Variants in KLHL1 observed in about 807,000 individuals in gnomAD.
KLHL1 encodes the protein kelch like family member 1.
In KLHL1, 47 loss-of-function variants were observed where a neutral mutation model predicts 77.7. That is an observed-to-expected ratio of 0.60 (90% CI 0.48 to 0.77). KLHL1 has a LOEUF of 0.77. Among genes scored for constraint, KLHL1 ranks in the 30% least tolerant of loss-of-function variants. The pLI, the probability that KLHL1 is intolerant of heterozygous loss-of-function variation, is 0.00. For synonymous variants in KLHL1, 360 were observed against 325.2 expected (o/e 1.11, Z -1.15); for missense variants, 925 against 910.8 (o/e 1.02, Z -0.20).
At chr13:69,726,863 T>C (rs1017262887) in intron 8 of KLHL1, among the ~76,000 whole-genome samples, 1 of 152,196 alleles carries the variant, frequency 6.6e-6, no homozygotes, top group Non-Finnish European at 1.5e-5. Context: ...GGGCAGAATT[T>C]ATTTATCTTC....
At chr13:69,994,200 T>A (rs1189956641) in intron 1 of KLHL1, among the ~76,000 whole-genome samples, 1 of 152,080 alleles carries the variant, frequency 6.6e-6, no homozygotes, top group Non-Finnish European at 1.5e-5. Context: ...AACAGTGATA[T>A]ACAACATAAT....
At chr13:70,017,075 A>G (rs1885677169) in intron 1 of KLHL1, among the ~76,000 whole-genome samples, 2 of 152,282 alleles carry the variant, frequency 1.3e-5, no homozygotes, top group African/African-American at 4.8e-5. Flanking sequence ...CTGCCGCTCA[A>G]TGAAGCTCTT....
At chr13:69,854,698 T>A (rs1593889993) in intron 5 of KLHL1, among the ~76,000 whole-genome samples, 1 of 152,224 alleles carries the variant, frequency 6.6e-6, no homozygotes, top group East Asian at 1.9e-4. Context: ...TTTGCATTTA[T>A]GAGTTTCTGT....
chr13:69,907,594 C>T (rs1882085064), intron 4 of KLHL1, among the ~76,000 whole-genome samples: 1 of 151,722 alleles, frequency 6.6e-6, no homozygotes, highest in Admixed American at 6.6e-5. Context: ...AAGTTAACTG[C>T]AATATGGGTA....
chr13:69,785,705 T>C (rs1876501586), intron 7 of KLHL1, among the ~76,000 whole-genome samples: 1 of 151,672 alleles, frequency 6.6e-6, no homozygotes, highest in South Asian at 2.1e-4. Flanking sequence ...TTCAAAAAAT[T>C]AATGAATCCA....
At position 69,882,269 on chromosome 13, in the gene KLHL1, T is replaced by G; in HGVS notation, c.1227+14A>C. 1 of 1,573,652 alleles carries G rather than the reference T, an allele frequency of 6.4e-7. No individual in the cohort carries two copies. Among genetic ancestry groups the G allele is most frequent in the Non-Finnish European group, 8.7e-7 (1 of 1,143,302 alleles). On this transcript the variant is annotated intron_variant, in intron 5 of 10. Coordinates refer to ENST00000377844, the MANE Select transcript of KLHL1 (RefSeq NM_020866.3). ...GTACATTGAATCTATTTAAACAGCG[T>G]CACACATCATTACCTGTGGTGGAAG...
chr13:69,852,784 TG>T (rs1330364274), intron 5 of KLHL1, among the ~76,000 whole-genome samples: 1 of 151,998 alleles, frequency 6.6e-6, no homozygotes, highest in African/African-American at 2.4e-5. Flanking sequence ...AAAATTCCAC[TG>T]GGCATATACT....
chr13:69,958,013 A>C (rs1351066493), intron 3 of KLHL1, among the ~76,000 whole-genome samples: 1 of 151,782 alleles, frequency 6.6e-6, no homozygotes, highest in African/African-American at 2.4e-5. Context: ...TCATACCTTA[A>C]AAGTAGTCAT....
At chr13:69,756,052 C>CCTTA (rs1874717095) in intron 7 of KLHL1, among the ~76,000 whole-genome samples, 1 of 152,064 alleles carries the variant, frequency 6.6e-6, no homozygotes, top group Non-Finnish European at 1.5e-5. Context: ...AGTGTATTCC[C>CCTTA]CTTACTTCAG....
chr13:69,714,355 T>C (rs1252215896), intron 9 of KLHL1, among the ~76,000 whole-genome samples: 1 of 152,110 alleles, frequency 6.6e-6, no homozygotes, highest in Admixed American at 6.6e-5. Context: ...TCCTTTCAGA[T>C]GCAGTTGTCA....
rs977717220 is a variant in KLHL1 at position 69,839,960 on chromosome 13, C to T, written c.1228-798G>A. Among the ~76,000 whole-genome samples, 5 of 151,846 alleles carry T rather than the reference C, an allele frequency of 3.3e-5. No individual in the cohort carries two copies. In the East Asian group the frequency reaches 9.8e-4, roughly 30 times the overall value. The stretch of plus-strand genomic sequence containing the variant: ...TTCTTTTTTAATGGATCCTGTTTCA[C>T]TTTGAGTGACAATAAAATGTGTCCC... On this transcript the variant is annotated intron_variant, in intron 5 of 10. Transcript: ENST00000377844.
At position 70,084,633 on chromosome 13, in the gene KLHL1, T is replaced by TTTTTTC. The variant is rs1887484086; in HGVS notation, c.497+22569_497+22570insGAAAAA. Among the ~76,000 whole-genome samples the TTTTTTC allele has an allele frequency of 3.3e-5, 4 of 122,138 alleles. 1 individual carries two copies. The highest frequency in any genetic ancestry group is 5.0e-5 in the Non-Finnish European group (3 of 59,688). The allele number at this position is 122,138 out of a possible 152,430, so 80.1% of individuals were successfully genotyped here. A position where few individuals can be genotyped will look rare whatever the true frequency, so the allele number is the denominator to read the frequency against. On this transcript the variant is annotated intron_variant, in intron 1 of 10. Transcript: ENST00000377844. ...GCCACCACGCCAGGCTTTTTTTTTT[T>TTTTTTC]TTTTTTTTTTTTTTTGAATTTTTAG...
chr13:69,998,323 A>G (rs1055620218), intron 1 of KLHL1, among the ~76,000 whole-genome samples: 4 of 151,924 alleles, frequency 2.6e-5, no homozygotes, highest in Non-Finnish European at 5.9e-5. Flanking sequence ...TAGCTAGCCC[A>G]CTTGGAGAAT....
intron 7 of KLHL1, among the ~76,000 whole-genome samples, chr13:69,775,072 GT>G (rs1215623137): frequency 3.3e-5 from 5 of 152,018 alleles, no homozygotes; most frequent in African/African-American, 7.2e-5. Context: ...ATACCAATGC[GT>G]TTTTTAAAGT....
At chr13:69,972,929 A>T (rs1884433589) in intron 2 of KLHL1, among the ~76,000 whole-genome samples, 1 of 151,942 alleles carries the variant, frequency 6.6e-6, no homozygotes, top group Non-Finnish European at 1.5e-5. Context: ...CCTATAAAAA[A>T]TTTTTGATGT....
intron 6 of KLHL1, among the ~76,000 whole-genome samples, chr13:69,801,403 T>C (rs1169823835): frequency 1.3e-5 from 2 of 152,288 alleles, no homozygotes; most frequent in East Asian, 1.9e-4. Context: ...ACATCTGCCA[T>C]AGAGAACTAT....
Position 70,107,805 on chromosome 13 carries a change from G to A in KLHL1, c.-106C>T, listed in dbSNP as rs978058798. ...GGGGGCGGAGGAAGAGGCGGGATGC[G>A]CCCTCTGCACCCCTAGAGCCAGAAG... On this transcript the variant is annotated 5_prime_UTR_variant, in exon 1 of 11. Coordinates refer to ENST00000377844, the MANE Select transcript of KLHL1 (RefSeq NM_020866.3). 48 of 832,840 alleles carry A rather than the reference G, an allele frequency of 5.8e-5. No individual in the cohort carries two copies. Among genetic ancestry groups the A allele is most frequent in the Admixed American group, 9.2e-5 (3 of 32,672 alleles). The allele number at this position is 832,840 out of a possible 1,614,324, so 51.6% of individuals were successfully genotyped here.
chr13:69,882,207 T>G (rs1404568320), intron 5 of KLHL1, 76 bp downstream of exon 5: 1 of 960,998 alleles, frequency 1.0e-6, no homozygotes. Context: ...TAATTAAAAA[T>G]GTGTTTTGAT....
intron 7 of KLHL1, among the ~76,000 whole-genome samples, chr13:69,788,221 T>A (rs1185197976): frequency 6.6e-6 from 1 of 152,246 alleles, no homozygotes; most frequent in Non-Finnish European, 1.5e-5. Context: ...CATATGTTTA[T>A]TGTGGCACTA....
Sources: gnomAD v4.1 joint callset for allele counts (sites outside exome capture counted in the v4.1 genomes callset) on GRCh38, gnomAD v4.1.1 for gene constraint, MANE v1.5 for transcripts, NCBI Gene and HGNC (gene_info 2026-07-23, HGNC 2026-07-21) for gene names.